Variants in TRIM9 observed in about 807,000 individuals in gnomAD.
The protein encoded by TRIM9 is E3 ubiquitin-protein ligase TRIM9.
In TRIM9, 26 loss-of-function variants were observed where a neutral mutation model predicts 78.3. That is an observed-to-expected ratio of 0.33 (90% CI 0.24 to 0.46). The LOEUF (loss-of-function observed/expected upper bound fraction) is 0.46, where lower values mean the gene tolerates loss of function less well. Among genes scored for constraint, TRIM9 ranks in the 20% least tolerant of loss-of-function variants. The pLI, the probability that TRIM9 is intolerant of heterozygous loss-of-function variation, is 1.00. For missense variants in TRIM9, 787 were observed against 1,036.4 expected (o/e 0.76, Z 3.30); for synonymous variants, 398 against 416.5 (o/e 0.96, Z 0.54).
Position 50,975,332 on chromosome 14 carries a change from G to A in TRIM9, c.*1959C>T, listed in dbSNP as rs2051016262. 1 of 152,672 alleles carries A rather than the reference G, an allele frequency of 6.5e-6. No homozygotes were observed. The highest frequency in any genetic ancestry group is 1.5e-5 in the Non-Finnish European group (1 of 68,038). 9.5% of individuals were successfully genotyped at this position (152,672 alleles called of 1,614,324 possible). On this transcript the variant is annotated 3_prime_UTR_variant, in exon 13 of 13. Transcript: ENST00000684578. ...ATTTTTTCTAGTATAGTAGTTGTAT[G>A]CATCTGTAATTGCAATTCAGTGTAA...
intron 1 of TRIM9, among the ~76,000 whole-genome samples, chr14:51,049,277 G>C (rs1462229930): frequency 6.6e-6 from 1 of 152,124 alleles, no homozygotes; most frequent in East Asian, 1.9e-4. Context: ...AGTTGACCAG[G>C]CTGGTCTTAT....
chr14:50,980,106 C>T (rs1489041461), intron 11 of TRIM9, among the ~76,000 whole-genome samples: 1 of 152,148 alleles, frequency 6.6e-6, no homozygotes, highest in Non-Finnish European at 1.5e-5. Flanking sequence ...TTATGTTATC[C>T]ATTAAACAGA....
chr14:50,983,000 G>A (rs748037455), intron 9 of TRIM9, 35 bp from the exon 10 acceptor site: 7 of 1,544,890 alleles, frequency 4.5e-6, no homozygotes, highest in Non-Finnish European at 6.1e-6. Flanking sequence ...ATGGGGGAGA[G>A]AGATAGGAAG....
intron 1 of TRIM9, among the ~76,000 whole-genome samples, chr14:51,076,465 G>A (rs1046428185): frequency 5.3e-5 from 8 of 152,266 alleles, no homozygotes; most frequent in Middle Eastern, 3.4e-3. Flanking sequence ...GCAGCCATAA[G>A]CATTTCAGCC....
chr14:51,074,248 G>A (rs533698801), intron 1 of TRIM9, among the ~76,000 whole-genome samples: 64 of 151,690 alleles, frequency 4.2e-4, no homozygotes, highest in Non-Finnish European at 7.1e-4. Flanking sequence ...GCAAGACTCC[G>A]TCTCTACAAA....
chr14:51,075,790 T>G (rs1010617769), intron 1 of TRIM9, among the ~76,000 whole-genome samples: 1 of 152,162 alleles, frequency 6.6e-6, no homozygotes, highest in Admixed American at 6.5e-5. Flanking sequence ...AATTTCTCAT[T>G]GCTCTTGGCC....
chr14:51,057,554 AT>A (rs2060991074), intron 1 of TRIM9, among the ~76,000 whole-genome samples: 1 of 152,196 alleles, frequency 6.6e-6, no homozygotes, highest in Non-Finnish European at 1.5e-5. Context: ...TCATTCAGCA[AT>A]TTTCTAAAAA....
intron 1 of TRIM9, among the ~76,000 whole-genome samples, chr14:51,059,100 G>C (rs372897239): frequency 9.5e-4 from 145 of 152,310 alleles, no homozygotes; most frequent in African/African-American, 3.3e-3. Flanking sequence ...ATCAGCACGA[G>C]CTTCCCTGCT....
intron 1 of TRIM9, among the ~76,000 whole-genome samples, chr14:51,086,456 C>T (rs1287732448): frequency 6.6e-6 from 1 of 152,178 alleles, no homozygotes; most frequent in Admixed American, 6.5e-5. Context: ...TACTGTCAGG[C>T]TAATTTGAGA....
chr14:51,060,560 G>C (rs1486040304), intron 1 of TRIM9, among the ~76,000 whole-genome samples: 2 of 152,088 alleles, frequency 1.3e-5, no homozygotes, highest in African/African-American at 2.4e-5. Context: ...TCCACTTCCA[G>C]GGTTCACACC....
At chr14:50,984,595 A>T (rs189178011) in intron 8 of TRIM9, among the ~76,000 whole-genome samples, 1 of 152,368 alleles carries the variant, frequency 6.6e-6, no homozygotes, top group Non-Finnish European at 1.5e-5. Context: ...TTCAGCTTGG[A>T]AATAAGTTTG....
At chr14:50,995,937 C>G (rs1043469594) in intron 7 of TRIM9, 1 of 230,898 alleles carries the variant, frequency 4.3e-6, no homozygotes, top group Non-Finnish European at 7.1e-6. Context: ...TAGGCTTTGT[C>G]TATTGTTACA....
chr14:51,037,253 G>C (rs1412129122), intron 1 of TRIM9, among the ~76,000 whole-genome samples: 1 of 152,098 alleles, frequency 6.6e-6, no homozygotes, highest in East Asian at 1.9e-4. Context: ...TTAATACAGA[G>C]AGCCACTTTA....
At chr14:51,027,303 C>T (rs75704983) in intron 1 of TRIM9, among the ~76,000 whole-genome samples, 3,008 of 152,080 alleles carry the variant, frequency 0.02, 90 homozygotes, top group African/African-American at 0.068. Flanking sequence ...ACCACCACAC[C>T]GAGTGAACTT....
chr14:50,997,477 C>T (rs909518761), intron 7 of TRIM9: 7 of 985,568 alleles, frequency 7.1e-6, no homozygotes, highest in Non-Finnish European at 8.4e-6. Context: ...CTGGTGCTGA[C>T]GGCCTCCGCT....
intron 1 of TRIM9, among the ~76,000 whole-genome samples, chr14:51,031,155 A>AAG (rs1005065609): frequency 6.6e-6 from 1 of 150,714 alleles, no homozygotes; most frequent in African/African-American, 2.4e-5. Flanking sequence ...TCCAAAAAAA[A>AAG]AAAAAAAAAA....
In TRIM9 at chr14:51,094,337, C is replaced by T; in HGVS notation, c.603G>A (p.Arg201=). 1 of 1,613,580 alleles carries T rather than the reference C, an allele frequency of 6.2e-7. No individual in the cohort carries two copies. The highest frequency in any genetic ancestry group is 8.5e-7 in the Non-Finnish European group (1 of 1,179,832). Residue 201 remains arginine (R), a synonymous_variant, in exon 1 of 13, where the codon CGG becomes CGA. Transcript: ENST00000684578. ...CCAGGCGGTGCTTGGCTAGGGGCCC[C>T]CGGGGCGGGTGGCAGCGCAGGCGGC... ...DPCRLRCHPP[R]GPLAKHRLVP...
chr14:51,069,866 C>A (rs1242985446), intron 1 of TRIM9, among the ~76,000 whole-genome samples: 4 of 152,192 alleles, frequency 2.6e-5, no homozygotes, highest in African/African-American at 9.6e-5. Flanking sequence ...TACAGTCAAT[C>A]TCTATTATTT....
intron 1 of TRIM9, among the ~76,000 whole-genome samples, chr14:51,064,257 TAATA>T (rs1480856125): frequency 2.6e-5 from 4 of 152,040 alleles, no homozygotes; most frequent in Non-Finnish European, 5.9e-5. Flanking sequence ...TAAAATACTG[TAATA>T]AATAAAAATT....
Sources: gnomAD v4.1 joint callset for allele counts (sites outside exome capture counted in the v4.1 genomes callset) on GRCh38, gnomAD v4.1.1 for gene constraint, MANE v1.5 for transcripts, NCBI Gene and HGNC (gene_info 2026-07-23, HGNC 2026-07-21) for gene names.